CD96: variants seen among roughly 807,000 people sequenced by gnomAD.
The protein encoded by CD96 is CD96 molecule.
CD96 carries 70 observed loss-of-function variants against 71.3 expected under a neutral mutation model. The observed-to-expected ratio is 0.98, with a 90% CI of 0.81 to 1.20. The LOEUF is 1.20. CD96 is among the 50% of genes most tolerant of loss of function. The pLI, the probability that CD96 is intolerant of heterozygous loss-of-function variation, is 0.00. For missense variants in CD96, 742 were observed against 677.5 expected (o/e 1.10, Z -1.06); for synonymous variants, 248 against 233.0 (o/e 1.06, Z -0.59).
At chr3:111,555,322 G>A (rs1274863268) in intron 2 of CD96, among the ~76,000 whole-genome samples, 1 of 152,192 alleles carries the variant, frequency 6.6e-6, no homozygotes, top group African/African-American at 2.4e-5. Context: ...CATTTTTTGT[G>A]CTCTTTATTT....
intron 3 of CD96, among the ~76,000 whole-genome samples, chr3:111,574,699 TTG>T (rs1324699516): frequency 2.0e-5 from 3 of 152,156 alleles, no homozygotes; most frequent in Non-Finnish European, 4.4e-5. Context: ...TCATATTTGT[TTG>T]TGTGTACATG....
chr3:111,568,380 CT>C (rs1251959146), intron 3 of CD96, among the ~76,000 whole-genome samples: 5 of 152,166 alleles, frequency 3.3e-5, no homozygotes, highest in Admixed American at 6.5e-5. Flanking sequence ...TGCTAAGACA[CT>C]GTAAAATATA....
intron 8 of CD96, among the ~76,000 whole-genome samples, chr3:111,618,490 A>G (rs1235830157): frequency 6.6e-6 from 1 of 152,166 alleles, no homozygotes; most frequent in Non-Finnish European, 1.5e-5. Flanking sequence ...TTAAGAGTCT[A>G]GTAAGCAAAA....
intron 10 of CD96, chr3:111,634,035 T>G (rs1464830013): frequency 6.5e-6 from 1 of 152,830 alleles, no homozygotes; most frequent in Non-Finnish European, 1.5e-5. Flanking sequence ...TAACAAATTA[T>G]CTGTGGTTTT....
chr3:111,637,481 A>T (rs1391035754), intron 11 of CD96, among the ~76,000 whole-genome samples: 11 of 150,764 alleles, frequency 7.3e-5, no homozygotes, highest in Admixed American at 7.3e-4. Context: ...TTTCCAAAAA[A>T]ATCTACACAA....
rs1022171131 is a variant in CD96, at chr3:111,545,511, G to A, written c.418+109G>A. 2.7e-5 allele frequency: 20 copies of A among 754,618 alleles called. No homozygotes were observed. The Admixed American group carries it at 3.0e-4, about 11-fold the overall frequency. 46.7% of individuals were successfully genotyped at this position (754,618 alleles called of 1,614,324 possible). ...GCTTGGTGCTCAGCATACAAAGGTT[G>A]AGCAGAAAGAGCTACTGTCTGATAA... On this transcript the variant is annotated intron_variant, in intron 2 of 13. Transcript: ENST00000352690.
At chr3:111,616,415 A>T (rs1255956812) in intron 8 of CD96, among the ~76,000 whole-genome samples, 33 of 151,940 alleles carry the variant, frequency 2.2e-4, no homozygotes, top group Non-Finnish European at 5.9e-5. Flanking sequence ...TTATGACAGG[A>T]AGCTGAAAGG....
At chr3:111,635,814 G>T (rs1432316806) in intron 10 of CD96, among the ~76,000 whole-genome samples, 1 of 152,136 alleles carries the variant, frequency 6.6e-6, no homozygotes, top group Non-Finnish European at 1.5e-5. Context: ...ACTTTGATGA[G>T]ATACAAAATA....
chr3:111,654,784 A>G (rs1366512153), downstream of CD96, among the ~76,000 whole-genome samples: 11 of 152,224 alleles, frequency 7.2e-5, no homozygotes, highest in Admixed American at 7.2e-4. Flanking sequence ...TACCCCATTT[A>G]CTGTCCAAAG....
At chr3:111,570,923 G>C (rs375644918) in intron 3 of CD96, 21 of 1,579,158 alleles carry the variant, frequency 1.3e-5, no homozygotes, top group East Asian at 6.7e-5. Flanking sequence ...TGCATGAGGC[G>C]CCAGCGTCAA....
intron 10 of CD96, chr3:111,634,744 A>G (rs1939241523): frequency 6.6e-6 from 1 of 152,176 alleles, no homozygotes; most frequent in African/African-American, 2.4e-5. Context: ...TAAAAATACA[A>G]AATTAGCCAG....
intron 12 of CD96, among the ~76,000 whole-genome samples, chr3:111,645,007 C>A (rs1939762170): frequency 6.6e-6 from 1 of 152,182 alleles, no homozygotes; most frequent in Non-Finnish European, 1.5e-5. Context: ...AATCCCACTA[C>A]TGGATATCTG....
At position 111,651,201 on chromosome 3, in the gene CD96, A is replaced by C. The variant is rs1283747810; in HGVS notation, c.*1395A>C. 3.9e-5 allele frequency: 6 copies of C among 152,214 alleles called. No homozygotes were observed. The highest frequency in any genetic ancestry group is 1.4e-4 in the African/African-American group (6 of 41,444). The allele number at this position is 152,214 out of a possible 1,614,324, so 9.4% of individuals were successfully genotyped here. ...GTGGAAGTTCTTTCTCATGGCTCAG[A>C]ATCTTAGGTAGGTGCTTAACTCTTG... On this transcript the variant is annotated 3_prime_UTR_variant, in exon 14 of 14. Transcript: ENST00000352690.
chr3:111,578,403 C>G (rs983004258), intron 3 of CD96, among the ~76,000 whole-genome samples: 1 of 152,190 alleles, frequency 6.6e-6, no homozygotes, highest in African/African-American at 2.4e-5. Context: ...CTAACACAAA[C>G]ACAGAAGAAA....
At chr3:111,627,774 C>G (rs148842741) in intron 10 of CD96, among the ~76,000 whole-genome samples, 1 of 152,208 alleles carries the variant, frequency 6.6e-6, no homozygotes, top group Non-Finnish European at 1.5e-5. Flanking sequence ...TCAGTACCCC[C>G]CTGGGACAGA....
chr3:111,582,815 A>G (rs1366071826), intron 4 of CD96, among the ~76,000 whole-genome samples: 2 of 152,168 alleles, frequency 1.3e-5, no homozygotes, highest in African/African-American at 2.4e-5. Context: ...TCATGATTCA[A>G]TTGCCTCCCA....
intron 8 of CD96, among the ~76,000 whole-genome samples, chr3:111,614,793 A>G (rs1938147865): frequency 6.6e-6 from 1 of 152,162 alleles, no homozygotes; most frequent in South Asian, 2.1e-4. Context: ...GTAAGGCACC[A>G]TGCCCCTTTG....
intron 10 of CD96, among the ~76,000 whole-genome samples, chr3:111,636,307 A>G (rs1939325328): frequency 6.6e-6 from 1 of 152,174 alleles, no homozygotes; most frequent in Non-Finnish European, 1.5e-5. Flanking sequence ...AGGAAAGCGG[A>G]GGGCTGAGGG....
intron 8 of CD96, among the ~76,000 whole-genome samples, chr3:111,623,129 A>G (rs140024548): frequency 2.0e-4 from 31 of 152,362 alleles, no homozygotes; most frequent in African/African-American, 7.5e-4. Context: ...TATTTCCAAG[A>G]GATATAAACC....
Sources: gnomAD v4.1 joint callset for allele counts (sites outside exome capture counted in the v4.1 genomes callset) on GRCh38, gnomAD v4.1.1 for gene constraint, MANE v1.5 for transcripts, NCBI Gene and HGNC (gene_info 2026-07-23, HGNC 2026-07-21) for gene names.